CYP3A43: variants seen among roughly 807,000 people sequenced by gnomAD.
CYP3A43 encodes cytochrome P450 3A43.
A neutral mutation model predicts 58.0 loss-of-function variants in CYP3A43; 45 were observed. The ratio of observed to expected loss-of-function variants is 0.78; its 90% CI spans 0.61 to 0.99. The LOEUF (loss-of-function observed/expected upper bound fraction) is 0.99. Ranked by LOEUF, CYP3A43 falls within the 50% of genes least tolerant of loss-of-function variation. The probability of loss-of-function intolerance (pLI) is 0.00; values close to 1 mark genes in which losing one functional copy is unlikely to be tolerated. For missense variants in CYP3A43, 593 were observed against 591.9 expected, an observed-to-expected ratio of 1.00 and a Z score of -0.02; for synonymous variants, 191 against 201.4, an observed-to-expected ratio of 0.95 and a Z score of 0.44.
chr7:99,840,473 T>C (rs1265793853), intron 3 of CYP3A43, among the ~76,000 whole-genome samples: 2 of 152,232 alleles, frequency 1.3e-5, no homozygotes, highest in African/African-American at 2.4e-5. Context: ...TCTTTTCACA[T>C]GTATATCTCA....
chr7:99,865,617 C>T (rs1230156010), intron 12 of CYP3A43, among the ~76,000 whole-genome samples: 1 of 148,514 alleles, frequency 6.7e-6, no homozygotes, highest in Admixed American at 6.6e-5. Flanking sequence ...TATCTCTTTG[C>T]TTAAAATTTA....
rs1563061233 is a variant in CYP3A43, at chr7:99,839,099, GT to G, written c.166-20del. 6.2e-7 allele frequency: 1 copy of G among 1,614,052 alleles called. No homozygotes were observed. ...GTACATTCGAAATAATACTTGAATT[GT>G]ATTTTGTTTCTTCTGCCAGGGTCTT... On this transcript the variant is annotated intron_variant, in intron 2 of 12. Coordinates refer to ENST00000354829, the MANE Select transcript of CYP3A43 (RefSeq NM_057095.3).
Position 99,861,777 on chromosome 7 carries a change from A to T in CYP3A43, c.1191A>T (p.Pro397=). 1 of 1,614,136 alleles carries T rather than the reference A, an allele frequency of 6.2e-7. No individual in the cohort carries two copies. The highest frequency in any genetic ancestry group is 8.5e-7 in the Non-Finnish European group (1 of 1,180,004). Residue 397 remains proline, a synonymous_variant, in exon 11 of 13, where the codon CCA becomes CCT. Coordinates refer to ENST00000354829, the MANE Select transcript of CYP3A43 (RefSeq NM_057095.3). ...FIPKGLAVMV[P]IYALHHDPKY... is the part of the protein sequence containing the mutation. The stretch of plus-strand genomic sequence containing the variant: ...CCAAAGGGTTAGCAGTGATGGTTCC[A>T]ATCTATGCTCTTCACCATGACCCAA...
At chr7:99,863,805 A>G (rs751487928) in intron 12 of CYP3A43, 106 bp downstream of exon 12, 1 of 925,992 alleles carries the variant, frequency 1.1e-6, no homozygotes, top group Non-Finnish European at 1.5e-6. Context: ...GCTCTGTAGG[A>G]CAAAGAATCT....
intron 7 of CYP3A43, 33 bp downstream of exon 7, chr7:99,849,727 T>C: frequency 1.3e-6 from 2 of 1,534,600 alleles, no homozygotes; most frequent in Non-Finnish European, 1.7e-6. Flanking sequence ...TCTCTCTCTC[T>C]CTCTCTCTCA....
intron 1 of CYP3A43, among the ~76,000 whole-genome samples, chr7:99,831,328 G>A (rs1400552578): frequency 6.6e-6 from 1 of 152,088 alleles, no homozygotes; most frequent in Non-Finnish European, 1.5e-5. Flanking sequence ...CAACTGTCTG[G>A]AATATTTTAT....
In CYP3A43 at chr7:99,839,350, G is replaced by A. The variant is rs995917525; in HGVS notation, c.218+178G>A. The stretch of plus-strand genomic sequence containing the variant: ...ATCTGGGAATTGAGCATTGCAAGGG[G>A]AATATGCGTGTCATAGGAAACTCCA... On this transcript the variant is annotated intron_variant, in intron 3 of 12. Coordinates refer to ENST00000354829, the MANE Select transcript of CYP3A43 (RefSeq NM_057095.3). The A allele has an allele frequency of 1.3e-5, 10 of 767,956 alleles. No homozygotes were observed. In the African/African-American group the frequency reaches 1.4e-4, roughly 11 times the overall value. 47.6% of individuals were successfully genotyped at this position (767,956 alleles called of 1,614,324 possible). A position where few individuals can be genotyped will look rare whatever the true frequency, so the allele number is the denominator to read the frequency against.
intron 1 of CYP3A43, among the ~76,000 whole-genome samples, chr7:99,833,644 A>G (rs1297808525): frequency 6.6e-6 from 1 of 152,086 alleles, no homozygotes; most frequent in Non-Finnish European, 1.5e-5. Context: ...CGCACTCTTT[A>G]ATTTCTTTTA....
chr7:99,855,394 T>C (rs1817931589), intron 7 of CYP3A43, 197 bp from the exon 8 acceptor site: 1 of 577,562 alleles, frequency 1.7e-6, no homozygotes, highest in Non-Finnish European at 2.9e-6. Flanking sequence ...CCCCTATGTG[T>C]GGATCTGCTC....
intron 11 of CYP3A43, among the ~76,000 whole-genome samples, chr7:99,862,769 G>C (rs900377990): frequency 6.6e-6 from 1 of 152,194 alleles, no homozygotes; most frequent in Non-Finnish European, 1.5e-5. Context: ...TGTTAGGCAT[G>C]CTGTCTCTAC....
At chr7:99,838,599 C>T (rs781309772) in intron 2 of CYP3A43, 8 of 1,147,440 alleles carry the variant, frequency 7.0e-6, no homozygotes, top group Non-Finnish European at 9.2e-6. Flanking sequence ...AATATCTACA[C>T]TAGTTAGAGA....
At chr7:99,836,918 C>T (rs1399255703) in intron 2 of CYP3A43, among the ~76,000 whole-genome samples, 6 of 152,120 alleles carry the variant, frequency 3.9e-5, no homozygotes, top group Non-Finnish European at 5.9e-5. Flanking sequence ...GCCCCAGTAG[C>T]GCTCATTAGC....
intron 9 of CYP3A43, 123 bp downstream of exon 9, chr7:99,857,022 C>T (rs1818008802): frequency 1.7e-6 from 2 of 1,165,360 alleles, no homozygotes; most frequent in African/African-American, 1.6e-5. Context: ...GAAAGGCACA[C>T]ATTTGGATGT....
intron 10 of CYP3A43, among the ~76,000 whole-genome samples, chr7:99,860,800 T>C (rs1455160058): frequency 6.6e-6 from 1 of 152,206 alleles, no homozygotes; most frequent in Non-Finnish European, 1.5e-5. Context: ...TAAAGTTCTT[T>C]TGTCATATTT....
intron 9 of CYP3A43, among the ~76,000 whole-genome samples, chr7:99,858,914 T>C (rs2151622800): frequency 6.6e-6 from 1 of 152,092 alleles, no homozygotes; most frequent in African/African-American, 2.4e-5. Flanking sequence ...GCCAGGCTGG[T>C]CTCAAAATCC....
intron 10 of CYP3A43, 71 bp from the exon 11 acceptor site, chr7:99,861,542 A>G (rs1459676205): frequency 8.4e-6 from 11 of 1,314,970 alleles, no homozygotes; most frequent in Non-Finnish European, 1.2e-5. Context: ...ACACTTCAAT[A>G]GTACTGCATG....
At position 99,863,564 on chromosome 7, in the gene CYP3A43, AGATCTTTACAGATACATACCTTTT is replaced by A; in HGVS notation, c.1283_1306del (p.Asp428_Phe435del). The A allele has an allele frequency of 3.1e-6, 5 of 1,612,074 alleles. No homozygotes were observed. Among genetic ancestry groups the A allele is most frequent in the Non-Finnish European group, 4.2e-6 (5 of 1,179,394 alleles). On this transcript the variant is annotated inframe_deletion, in exon 12 of 13. Coordinates refer to ENST00000354829, the MANE Select transcript of CYP3A43 (RefSeq NM_057095.3). ...TCAGTAAGAAGAACAAGGACAGCATAGATCTTTACAGATACATACCTTTTGGAGCTGGACCCCGAAACTGCATTG... is the reference window on the plus strand; with the variant it reads ...TCAGTAAGAAGAACAAGGACAGCATAGGAGCTGGACCCCGAAACTGCATTG...
chr7:99,836,514 C>T lies in CYP3A43; in HGVS notation c.133C>T (p.Pro45Ser). ...KLGIPGPTPL[P>S]FLGTILFYLR... ...GGGAATTCCTGGGCCAACCCCTCTG[C>T]CTTTTCTGGGAACTATTTTGTTCTA... The change falls in exon 2 of 13, where the codon CCT (proline) becomes TCT (serine). Residue 45 changes from proline to serine, a missense_variant. Physicochemically the swap from Pro to Ser is moderately conservative, Grantham distance 74. Coordinates refer to ENST00000354829, the MANE Select transcript of CYP3A43 (RefSeq NM_057095.3). The T allele has an allele frequency of 6.2e-7, 1 of 1,603,252 alleles. No homozygotes were observed. The highest frequency in any genetic ancestry group is 8.5e-7 in the Non-Finnish European group (1 of 1,177,228).
At chr7:99,859,783 GCTCTACA>G (rs1397327357) in intron 9 of CYP3A43, 40 bp from the exon 10 acceptor site, 1 of 1,611,378 alleles carries the variant, frequency 6.2e-7, no homozygotes, top group East Asian at 2.2e-5. Flanking sequence ...AAACTGTGAT[GCTCTACA>G]CTAACCACTT....
Sources: gnomAD v4.1 joint callset for allele counts (sites outside exome capture counted in the v4.1 genomes callset) on GRCh38, gnomAD v4.1.1 for gene constraint, MANE v1.5 for transcripts, NCBI Gene and HGNC (gene_info 2026-07-23, HGNC 2026-07-21) for gene names.